Variants in CAPN12 observed in about 807,000 individuals in gnomAD.
CAPN12 encodes calpain 12, also known as calpain-12.
A neutral mutation model predicts 95.0 loss-of-function variants in CAPN12; 107 were observed. The observed-to-expected ratio is 1.13, with a 90% CI of 0.96 to 1.32. The LOEUF is 1.32. Ranked by LOEUF, CAPN12 falls within the 40% of genes most tolerant of loss-of-function variation. The pLI is 0.00. For missense variants in CAPN12, 1,136 were observed against 997.8 expected, an observed-to-expected ratio of 1.14 and a Z score of -1.87; for synonymous variants, 505 against 415.5, an observed-to-expected ratio of 1.22 and a Z score of -2.62.
Position 38,734,995 on chromosome 19 carries a change from C to T in CAPN12, c.1687-125G>A, listed in dbSNP as rs910910935. On this transcript the variant is annotated intron_variant, in intron 14 of 20. Coordinates refer to ENST00000328867, the MANE Select transcript of CAPN12 (RefSeq NM_144691.4). Reference sequence around the variant, plus strand: ...GCCCTAGCTCCAGGAGTGGGGGAGACAGACCTGTCCCCACAGGGCCAGGGC... The same window carrying T: ...GCCCTAGCTCCAGGAGTGGGGGAGATAGACCTGTCCCCACAGGGCCAGGGC... The T allele has an allele frequency of 5.9e-6, 5 of 843,040 alleles. No individual in the cohort carries two copies. The African/African-American group carries it at 8.5e-5, about 14-fold the overall frequency. 52.2% of individuals were successfully genotyped at this position (843,040 alleles called of 1,614,324 possible).
At position 38,744,082 on chromosome 19, in the gene CAPN12, C is replaced by T; in HGVS notation, c.84G>A (p.Arg28=). ...CCCGAATTGCCTCATAGCTCTGGCCCCGAAAAAGCTGCAGGCGCCCGGCTC... is the reference window on the plus strand; with the variant it reads ...CCCGAATTGCCTCATAGCTCTGGCCTCGAAAAAGCTGCAGGCGCCCGGCTC... ...GVGAGRLQLF[R]GQSYEAIRAA... is the part of the protein sequence containing the mutation. The change falls in exon 1 of 21, where the codon CGG becomes CGA. Residue 28 remains arginine, a synonymous_variant. Transcript: ENST00000328867. 1 of 1,614,214 alleles carries T rather than the reference C, an allele frequency of 6.2e-7. No individual in the cohort carries two copies. The highest frequency in any genetic ancestry group is 8.5e-7 in the Non-Finnish European group (1 of 1,180,044).
rs574108191 is a variant in CAPN12, at chr19:38,741,966, G to A, written c.427-56C>T. 57 of 1,592,478 alleles carry A rather than the reference G, an allele frequency of 3.6e-5. 1 individual carries two copies. In the African/African-American group the frequency reaches 6.3e-4, roughly 18 times the overall value. ...GCTTCCAACCTCCAACCCTGCCTGGGCCCTGCCTCTGCTGTGCCAGTCCCA... is the reference window on the plus strand; with the variant it reads ...GCTTCCAACCTCCAACCCTGCCTGGACCCTGCCTCTGCTGTGCCAGTCCCA... On this transcript the variant is annotated intron_variant, in intron 3 of 20. Coordinates refer to ENST00000328867, the MANE Select transcript of CAPN12 (RefSeq NM_144691.4).
intron 18 of CAPN12, among the ~76,000 whole-genome samples, chr19:38,732,592 T>C (rs545384676): frequency 6.6e-6 from 1 of 152,252 alleles, no homozygotes; most frequent in South Asian, 2.1e-4. Context: ...CTGCCTGCCT[T>C]AGCCTCCCAA....
In CAPN12 at chr19:38,735,559, T is replaced by TGGGAAGTGGGGAGG. The variant is rs1555847607; in HGVS notation, c.1584-29_1584-16dup. The TGGGAAGTGGGGAGG allele has an allele frequency of 1.1e-5, 17 of 1,603,474 alleles. No homozygotes were observed. In the South Asian group the frequency reaches 1.2e-4, roughly 11 times the overall value. Reference sequence around the variant, plus strand: ...CGTCGATCTCCCTGCAAATTACAGATGGGAAGTGGGGAGGGGGCTGTTTGC... The same window carrying TGGGAAGTGGGGAGG: ...CGTCGATCTCCCTGCAAATTACAGATGGGAAGTGGGGAGGGGGAAGTGGGGAGGGGGCTGTTTGC... On this transcript the variant is annotated splice_polypyrimidine_tract_variant and intron_variant, in intron 12 of 20. Transcript: ENST00000328867.
At chr19:38,737,124 C>T (rs1970245459) in intron 10 of CAPN12, 32 bp downstream of exon 10, 2 of 1,261,498 alleles carry the variant, frequency 1.6e-6, no homozygotes, top group Non-Finnish European at 2.1e-6. Context: ...CCTCCGGGTT[C>T]CCTCCAGCCT....
Position 38,736,136 on chromosome 19 carries a change from G to A in CAPN12, c.1557C>T (p.Val519=), listed in dbSNP as rs1281310428. 2.1e-5 allele frequency: 32 copies of A among 1,512,256 alleles called. No individual in the cohort carries two copies. The Admixed American group carries it at 6.4e-4, about 30-fold the overall frequency. The allele number at this position is 1,512,256 out of a possible 1,614,324, so 93.7% of individuals were successfully genotyped here. A position where few individuals can be genotyped will look rare whatever the true frequency, so the allele number is the denominator to read the frequency against. Residue 519 remains valine, a synonymous_variant, in exon 12 of 21, where the codon GTC becomes GTT. Coordinates refer to ENST00000328867, the MANE Select transcript of CAPN12 (RefSeq NM_144691.4). ...CGGCCGTGTGGCGGCGCTCGGAGAA[G>A]ACACGCAGAGTGAAGTCAGCCTCGT... The part of the protein sequence containing the change: ...AGDEADFTLR[V]FSERRHTAVE...
Position 38,738,265 on chromosome 19 carries a change from G to T in CAPN12, c.965+8C>A. 1 of 1,611,886 alleles carries T rather than the reference G, an allele frequency of 6.2e-7. No individual in the cohort carries two copies. The highest frequency in any genetic ancestry group is 8.5e-7 in the Non-Finnish European group (1 of 1,179,986). ...CCAGAGGCAGAGCTGGGACCCTGAC[G>T]AACTGACCAGAACTCGCCATCCTCC... On this transcript the variant is annotated splice_region_variant and intron_variant, in intron 8 of 20. Coordinates refer to ENST00000328867, the MANE Select transcript of CAPN12 (RefSeq NM_144691.4).
chr19:38,733,841 G>A (rs990109904), intron 17 of CAPN12, 60 bp from the exon 18 acceptor site: 1 of 1,416,082 alleles, frequency 7.1e-7, no homozygotes, highest in African/African-American at 1.4e-5. Flanking sequence ...TGCCAATGGG[G>A]CCTCCCAGGC....
At chr19:38,741,983 CCAGTCCCAGAGTCAGGAATTA>C in intron 3 of CAPN12, 73 bp from the exon 4 acceptor site, 2 of 1,571,518 alleles carry the variant, frequency 1.3e-6, no homozygotes, top group Non-Finnish European at 1.7e-6. Flanking sequence ...CTCTGCTGTG[CCAGTCCCAGAGTCAGGAATTA>C]CAGCCCCAAG....
chr19:38,730,249 T>A lies in CAPN12; in HGVS notation c.*603A>T, dbSNP rs1156938379. 1 of 158,674 alleles carries A rather than the reference T, an allele frequency of 6.3e-6. No homozygotes were observed. Among genetic ancestry groups the A allele is most frequent in the African/African-American group, 2.4e-5 (1 of 41,420 alleles). The allele number at this position is 158,674 out of a possible 1,614,324, so 9.8% of individuals were successfully genotyped here. A position where few individuals can be genotyped will look rare whatever the true frequency, so the allele number is the denominator to read the frequency against. On this transcript the variant is annotated 3_prime_UTR_variant, in exon 21 of 21. Transcript: ENST00000328867. ...TTTATTATATAAATATATATTCACC[T>A]AGCAACATATCTCTGCCGTCTCTCC...
chr19:38,736,455 C>T (rs1389630032), intron 11 of CAPN12, 97 bp downstream of exon 11: 1 of 1,447,800 alleles, frequency 6.9e-7, no homozygotes, highest in East Asian at 2.4e-5. Flanking sequence ...TGCCCCCCCA[C>T]CCCCAGGGCA....
At chr19:38,736,603 A>G (rs1206980805) in intron 10 of CAPN12, 40 bp from the exon 11 acceptor site, 2 of 1,584,682 alleles carry the variant, frequency 1.3e-6, no homozygotes, top group Admixed American at 1.8e-5. Flanking sequence ...GGCAGGGGAG[A>G]GGTGGCCGCC....
In CAPN12 at chr19:38,731,022, G is replaced by A; in HGVS notation, c.2076C>T (p.Cys692=). ...SCVAHLTCIF[C]HCSQHLDGGE... Reference sequence around the variant, plus strand: ...CCCCATCCAGGTGCTGGCTGCAGTGGCCTGTGCAGAGAGGGGCAGGGTGAG... The same window carrying A: ...CCCCATCCAGGTGCTGGCTGCAGTGACCTGTGCAGAGAGGGGCAGGGTGAG... The change falls in exon 20 of 21, where the codon TGC becomes TGT. Residue 692 remains cysteine (C), a splice_region_variant and synonymous_variant. Coordinates refer to ENST00000328867, the MANE Select transcript of CAPN12 (RefSeq NM_144691.4). 1.3e-6 allele frequency: 2 copies of A among 1,554,460 alleles called. No homozygotes were observed. Among genetic ancestry groups the A allele is most frequent in the Non-Finnish European group, 1.7e-6 (2 of 1,149,292 alleles).
At position 38,734,669 on chromosome 19, in the gene CAPN12, G is replaced by C. The variant is rs934564438; in HGVS notation, c.1744+144C>G. On this transcript the variant is annotated intron_variant, in intron 15 of 20. Transcript: ENST00000328867. ...CGGGGCCCACACAAGATCCCCTGCAGGGAGATGCTGCCAGGCTGAGCCCTG... is the reference window on the plus strand; with the variant it reads ...CGGGGCCCACACAAGATCCCCTGCACGGAGATGCTGCCAGGCTGAGCCCTG... 1.1e-5 allele frequency: 8 copies of C among 738,072 alleles called. No individual in the cohort carries two copies. In the African/African-American group the frequency reaches 1.4e-4, roughly 13 times the overall value. The allele number at this position is 738,072 out of a possible 1,614,324, so 45.7% of individuals were successfully genotyped here.
chr19:38,740,885 G>A (rs141155117), intron 4 of CAPN12, among the ~76,000 whole-genome samples: 303 of 152,192 alleles, frequency 2.0e-3, no homozygotes, highest in African/African-American at 6.9e-3. Flanking sequence ...GTGGTCCTTG[G>A]GGTGACCAGG....
intron 12 of CAPN12, 100 bp downstream of exon 12, chr19:38,736,003 AGGTCAGG>A: frequency 3.2e-6 from 1 of 315,628 alleles, no homozygotes. Context: ...GGGGCGGGGC[AGGTCAGG>A]TCTCGGGGGT....
At chr19:38,735,640 G>C in intron 12 of CAPN12, 96 bp from the exon 13 acceptor site, 2 of 1,160,994 alleles carry the variant, frequency 1.7e-6, no homozygotes, top group Non-Finnish European at 2.4e-6. Context: ...TGGGGTCTAG[G>C]TAGGGACCGT....
rs1970759822 is a variant in CAPN12 at position 38,744,257 on chromosome 19, C to A, written c.-92G>T. Reference sequence around the variant, plus strand: ...TCTTCCATTGGAGCCCCAGTGGGGTCTTTAGGCAATGAGGAGCCTTCCCTC... The same window carrying A: ...TCTTCCATTGGAGCCCCAGTGGGGTATTTAGGCAATGAGGAGCCTTCCCTC... On this transcript the variant is annotated 5_prime_UTR_variant, in exon 1 of 21. Coordinates refer to ENST00000328867, the MANE Select transcript of CAPN12 (RefSeq NM_144691.4). 8.3e-7 allele frequency: 1 copy of A among 1,207,410 alleles called. No homozygotes were observed. The highest frequency in any genetic ancestry group is 1.2e-6 in the Non-Finnish European group (1 of 826,506). 74.8% of individuals were successfully genotyped at this position (1,207,410 alleles called of 1,614,324 possible).
intron 14 of CAPN12, 75 bp downstream of exon 14, chr19:38,735,295 G>T: frequency 7.1e-7 from 1 of 1,404,616 alleles, no homozygotes; most frequent in East Asian, 2.4e-5. Context: ...CACCTGAGAT[G>T]CTGGGGTGGG....
Sources: gnomAD v4.1 joint callset for allele counts (sites outside exome capture counted in the v4.1 genomes callset) on GRCh38, gnomAD v4.1.1 for gene constraint, MANE v1.5 for transcripts, NCBI Gene and HGNC (gene_info 2026-07-23, HGNC 2026-07-21) for gene names.